FNBP4: variants seen among roughly 807,000 people sequenced by gnomAD.
FNBP4 encodes formin binding protein 4.
Under a neutral mutation model 119.3 loss-of-function variants are expected in FNBP4, and 34 were observed. The ratio of observed to expected loss-of-function variants is 0.28; its 90% CI spans 0.22 to 0.38. The LOEUF (loss-of-function observed/expected upper bound fraction) is 0.38. Ranked by LOEUF, FNBP4 falls within the 10% of genes least tolerant of loss-of-function variation. FNBP4 has a pLI of 1.00. For missense variants in FNBP4, 1,112 were observed against 1,228.9 expected (o/e 0.90, Z 1.42); for synonymous variants, 462 against 430.6 (o/e 1.07, Z -0.90).
rs556612352 is a variant in FNBP4 at position 47,737,222 on chromosome 11, A to T, written c.1457-482T>A. ...TAAATAAATAAAATAAAAATCCTTT[A>T]TAATCAACTTTCTTAAAATACATCT... On this transcript the variant is annotated intron_variant, in intron 8 of 16. Transcript: ENST00000263773. Among the ~76,000 whole-genome samples the T allele has an allele frequency of 2.0e-5, 3 of 152,280 alleles. No individual in the cohort carries two copies. The East Asian group carries it at 5.8e-4, about 29-fold the overall frequency.
At chr11:47,763,180 C>T (rs991467091) in intron 2 of FNBP4, among the ~76,000 whole-genome samples, 9 of 151,976 alleles carry the variant, frequency 5.9e-5, no homozygotes, top group African/African-American at 2.2e-4. Flanking sequence ...AGATGTGTTG[C>T]AGGCTGGGCG....
chr11:47,736,229 A>T (rs1434237341), intron 9 of FNBP4, among the ~76,000 whole-genome samples: 1 of 144,328 alleles, frequency 6.9e-6, no homozygotes, highest in African/African-American at 2.6e-5. Flanking sequence ...TGGCAGAGCA[A>T]CACTCTCTCT....
At chr11:47,744,499 A>C (rs1421340513) in intron 7 of FNBP4, among the ~76,000 whole-genome samples, 2 of 152,102 alleles carry the variant, frequency 1.3e-5, no homozygotes, top group Non-Finnish European at 2.9e-5. Flanking sequence ...TCTGGGCTCA[A>C]GTGATCTCCT....
At chr11:47,717,817 C>T (rs1473028931) in intron 16 of FNBP4, among the ~76,000 whole-genome samples, 2 of 152,062 alleles carry the variant, frequency 1.3e-5, no homozygotes, top group African/African-American at 2.4e-5. Flanking sequence ...GGTGCGATCT[C>T]GGCTCACCGC....
At chr11:47,752,778 C>A in intron 4 of FNBP4, 138 bp downstream of exon 4, 1 of 756,444 alleles carries the variant, frequency 1.3e-6, no homozygotes, top group Non-Finnish European at 2.1e-6. Flanking sequence ...CGCGCCAGTG[C>A]ACTCCAGCCT....
At chr11:47,747,963 C>T (rs1251057621) in intron 6 of FNBP4, among the ~76,000 whole-genome samples, 1 of 151,282 alleles carries the variant, frequency 6.6e-6, no homozygotes, top group African/African-American at 2.4e-5. Flanking sequence ...AATAAAATAG[C>T]TGGGCGTGGT....
At chr11:47,722,260 T>C (rs2097556657) in intron 15 of FNBP4, among the ~76,000 whole-genome samples, 1 of 151,908 alleles carries the variant, frequency 6.6e-6, no homozygotes, top group Non-Finnish European at 1.5e-5. Context: ...TTTCTTTTTT[T>C]TTTTTAAGAC....
intron 6 of FNBP4, 26 bp downstream of exon 6, chr11:47,750,890 C>A: frequency 6.2e-7 from 1 of 1,611,770 alleles, no homozygotes; most frequent in Non-Finnish European, 8.5e-7. Context: ...TGAAAATAAA[C>A]AAATGAGGTA....
rs1419486044 is a variant in FNBP4 at position 47,767,300 on chromosome 11, G to A, written c.-12C>T. On this transcript the variant is annotated 5_prime_UTR_variant, in exon 1 of 17. Transcript: ENST00000263773. ...GACTTCTTCCCCATCGCGAGCCCAA[G>A]CGCGAGCAGAGAGCGTCGGGCGGCC... 1.3e-6 allele frequency: 2 copies of A among 1,493,754 alleles called. No homozygotes were observed. Among genetic ancestry groups the A allele is most frequent in the Non-Finnish European group, 1.8e-6 (2 of 1,128,224 alleles). The allele number at this position is 1,493,754 out of a possible 1,614,324, so 92.5% of individuals were successfully genotyped here. A position where few individuals can be genotyped will look rare whatever the true frequency, so the allele number is the denominator to read the frequency against.
At chr11:47,755,820 A>G (rs1180589077) in intron 2 of FNBP4, among the ~76,000 whole-genome samples, 2 of 152,016 alleles carry the variant, frequency 1.3e-5, no homozygotes, top group Non-Finnish European at 2.9e-5. Flanking sequence ...AACAAAAAAA[A>G]TCGAGAACAA....
chr11:47,760,227 A>G (rs920409695), intron 2 of FNBP4, among the ~76,000 whole-genome samples: 5 of 151,080 alleles, frequency 3.3e-5, no homozygotes, highest in Non-Finnish European at 7.4e-5. Context: ...TGTTTGTGAG[A>G]AATTCAGAGA....
rs1204939344 is a variant in FNBP4, at chr11:47,717,338, G to C, written c.*84C>G. 10 of 881,514 alleles carry C rather than the reference G, an allele frequency of 1.1e-5. No individual in the cohort carries two copies. The highest frequency in any genetic ancestry group is 1.7e-5 in the African/African-American group (1 of 59,308). 54.6% of individuals were successfully genotyped at this position (881,514 alleles called of 1,614,324 possible). A position where few individuals can be genotyped will look rare whatever the true frequency, so the allele number is the denominator to read the frequency against. ...TAAGATCTCCCCCATAACATTTATA[G>C]TTTATTTGACAATAAAACTGGTTAA... On this transcript the variant is annotated 3_prime_UTR_variant, in exon 17 of 17. Transcript: ENST00000263773.
chr11:47,729,815 T>C, intron 12 of FNBP4: 1 of 985,420 alleles, frequency 1.0e-6, no homozygotes, highest in Non-Finnish European at 1.2e-6. Flanking sequence ...TGTTGATTAT[T>C]GCTCTTAAAT....
intron 14 of FNBP4, 51 bp from the exon 15 acceptor site, chr11:47,723,367 A>C (rs749014004): frequency 7.8e-6 from 12 of 1,532,908 alleles, no homozygotes; most frequent in Admixed American, 2.1e-5. Context: ...CATGACAAGA[A>C]CAGATGCAAT....
chr11:47,748,858 G>T (rs1336544824), intron 6 of FNBP4, among the ~76,000 whole-genome samples: 2 of 152,072 alleles, frequency 1.3e-5, no homozygotes, highest in Non-Finnish European at 2.9e-5. Context: ...TGTTGGCCAG[G>T]CTGGTCTTGA....
In FNBP4 at chr11:47,723,252, G is replaced by A. The variant is rs144284794; in HGVS notation, c.2529C>T (p.Ser843=). The A allele has an allele frequency of 3.7e-6, 6 of 1,614,152 alleles. No homozygotes were observed. The East Asian group carries it at 1.1e-4, about 30-fold the overall frequency. Residue 843 remains serine (S), a synonymous_variant, in exon 15 of 17, where the codon AGC becomes AGT. Transcript: ENST00000263773. Reference sequence around the variant, plus strand: ...GATGACCCATTCCTGCTGCTGGAAGGCTAACTGGTATTGTCTGATGTCCAA... The same window carrying A: ...GATGACCCATTCCTGCTGCTGGAAGACTAACTGGTATTGTCTGATGTCCAA... The part of the protein sequence containing the change: ...TGIGHQTIPV[S]LPAAGMGHQA...
Position 47,743,965 on chromosome 11 carries a change from T to C in FNBP4, c.1444A>G (p.Asn482Asp). 1.2e-6 allele frequency: 2 copies of C among 1,614,064 alleles called. No individual in the cohort carries two copies. The highest frequency in any genetic ancestry group is 1.1e-5 in the South Asian group (1 of 91,078). ...SSKTGRDTPENGETAIGAENS... is the reference protein window; with the variant it reads ...SSKTGRDTPEDGETAIGAENS... Reference sequence around the variant, plus strand: ...AAGCACAAATTACCAGTTTCTCCATTTTCTGGAGTATCTCGTCCAGTTTTA... The same window carrying C: ...AAGCACAAATTACCAGTTTCTCCATCTTCTGGAGTATCTCGTCCAGTTTTA... The change falls in exon 8 of 17, where the codon AAT (asparagine) becomes GAT (aspartate). Residue 482 changes from asparagine (N) to aspartate (D), a missense_variant. Physicochemically the swap from Asn to Asp is conservative, Grantham distance 23. Coordinates refer to ENST00000263773, the MANE Select transcript of FNBP4 (RefSeq NM_015308.5).
intron 6 of FNBP4, among the ~76,000 whole-genome samples, chr11:47,748,358 G>C (rs1478326373): frequency 6.6e-6 from 1 of 151,782 alleles, no homozygotes; most frequent in Non-Finnish European, 1.5e-5. Flanking sequence ...GGTAACACTT[G>C]TCCTATCCTC....
intron 14 of FNBP4, 125 bp from the exon 15 acceptor site, chr11:47,723,441 A>G: frequency 1.4e-6 from 2 of 1,440,350 alleles, no homozygotes; most frequent in Non-Finnish European, 1.8e-6. Flanking sequence ...TCTAAAAAGC[A>G]TAGCCATATT....
Sources: allele counts gnomAD v4.1 joint callset (sites outside exome capture counted in the v4.1 genomes callset), GRCh38; gene constraint gnomAD v4.1.1; transcripts MANE v1.5; gene names NCBI Gene and HGNC (gene_info 2026-07-23, HGNC 2026-07-21).